Variants in IPO11 observed in about 807,000 individuals in gnomAD.
IPO11 encodes the protein importin-11.
A neutral mutation model predicts 143.2 loss-of-function variants in IPO11; 66 were observed. That is an observed-to-expected ratio of 0.46 (90% confidence interval 0.38 to 0.57). The LOEUF is 0.57. Among genes scored for constraint, IPO11 ranks in the 20% least tolerant of loss-of-function variants. The pLI is 0.00. For missense variants in IPO11, 1,026 were observed against 1,141.0 expected (o/e 0.90, Z 1.45); for synonymous variants, 385 against 377.8 (o/e 1.02, Z -0.22).
chr5:62,475,357 C>T (rs1291457738), intron 8 of IPO11, among the ~76,000 whole-genome samples: 1 of 152,072 alleles, frequency 6.6e-6, no homozygotes, highest in Non-Finnish European at 1.5e-5. Flanking sequence ...CCTGTCTCTA[C>T]AAAAAATATT....
chr5:62,455,083 C>G (rs1245641882), intron 5 of IPO11, among the ~76,000 whole-genome samples: 2 of 152,162 alleles, frequency 1.3e-5, no homozygotes, highest in Non-Finnish European at 2.9e-5. Flanking sequence ...TTGAAGGTAG[C>G]ATTTGTGGGA....
rs1744491227 is a variant in IPO11 at position 62,580,102 on chromosome 5, A to G, written c.2583-11475A>G. The G allele has an allele frequency of 4.5e-6, 7 of 1,551,064 alleles. No homozygotes were observed. Among genetic ancestry groups the G allele is most frequent in the Non-Finnish European group, 6.1e-6 (7 of 1,146,566 alleles). On this transcript the variant is annotated intron_variant, in intron 27 of 29. Coordinates refer to ENST00000325324, the MANE Select transcript of IPO11 (RefSeq NM_016338.5). ...TAATAATTTAACAAAAGTACCATCAAATGCCTTTGAAGTACTTAAAAGTCT... is the reference window on the plus strand; with the variant it reads ...TAATAATTTAACAAAAGTACCATCAGATGCCTTTGAAGTACTTAAAAGTCT...
intron 4 of IPO11, among the ~76,000 whole-genome samples, chr5:62,450,424 T>C (rs938089859): frequency 2.0e-5 from 3 of 152,214 alleles, no homozygotes; most frequent in Non-Finnish European, 2.9e-5. Context: ...AATATATTAC[T>C]CATTAGTTTG....
chr5:62,494,267 T>A, intron 16 of IPO11, 143 bp downstream of exon 16: 1 of 590,580 alleles, frequency 1.7e-6, no homozygotes, highest in Non-Finnish European at 2.5e-6. Context: ...GCAGTTTGAT[T>A]TGAGGGTAGA....
chr5:62,474,417 G>GT lies in IPO11; in HGVS notation c.716dup (p.Leu239PhefsTer6). 2 of 1,536,176 alleles carry GT rather than the reference G, an allele frequency of 1.3e-6. No individual in the cohort carries two copies. The highest frequency in any genetic ancestry group is 1.2e-5 in the South Asian group (1 of 81,920). Reference sequence around the variant, plus strand: ...ATTTAAAATAATATTCTTTTCTAGGGTTTTTTACATGGAATATTTGAACGT... The same window carrying GT: ...ATTTAAAATAATATTCTTTTCTAGGGTTTTTTTACATGGAATATTTGAACGT... On this transcript the variant is annotated frameshift_variant and splice_region_variant, in exon 8 of 30. Coordinates refer to ENST00000325324, the MANE Select transcript of IPO11 (RefSeq NM_016338.5). LOFTEE classifies it high-confidence loss of function.
chr5:62,440,765 C>T (rs1744441714), intron 2 of IPO11, among the ~76,000 whole-genome samples: 1 of 152,012 alleles, frequency 6.6e-6, no homozygotes, highest in Non-Finnish European at 1.5e-5. Flanking sequence ...GCGTTCAAGA[C>T]CCACCTGGCC....
At chr5:62,498,024 T>TG (rs1741218641) in intron 16 of IPO11, among the ~76,000 whole-genome samples, 1 of 151,492 alleles carries the variant, frequency 6.6e-6, no homozygotes, top group Non-Finnish European at 1.5e-5. Context: ...TATTGTTTTT[T>TG]TTTTTTGTTG....
intron 2 of IPO11, among the ~76,000 whole-genome samples, chr5:62,441,851 CTTTTTT>C (rs35792043): frequency 2.1e-5 from 3 of 143,206 alleles, no homozygotes; most frequent in African/African-American, 7.7e-5. Context: ...TGCTATCAAA[CTTTTTT>C]TTTTTTTGAG....
At chr5:62,502,351 G>A (rs1741374036) in intron 16 of IPO11, among the ~76,000 whole-genome samples, 1 of 152,164 alleles carries the variant, frequency 6.6e-6, no homozygotes, top group South Asian at 2.1e-4. Flanking sequence ...CTCAAGTTTT[G>A]ATGTTGTCCC....
intron 29 of IPO11, among the ~76,000 whole-genome samples, chr5:62,610,973 A>G (rs1039814641): frequency 1.3e-5 from 2 of 152,168 alleles, no homozygotes; most frequent in African/African-American, 2.4e-5. Flanking sequence ...GTTTTTATCT[A>G]TGCTTTGCTC....
chr5:62,483,320 G>T lies in IPO11; in HGVS notation c.1021+27G>T, dbSNP rs749620592. Reference sequence around the variant, plus strand: ...TAATTCCTTTATTGGCAGTTTAAAAGAATTATTTTAATCTTAAGTGTGATA... The same window carrying T: ...TAATTCCTTTATTGGCAGTTTAAAATAATTATTTTAATCTTAAGTGTGATA... On this transcript the variant is annotated intron_variant, in intron 10 of 29. Transcript: ENST00000325324. The T allele has an allele frequency of 3.7e-6, 5 of 1,347,508 alleles. No homozygotes were observed. In the South Asian group the frequency reaches 7.0e-5, roughly 19 times the overall value. 83.5% of individuals were successfully genotyped at this position (1,347,508 alleles called of 1,614,324 possible).
In IPO11 at chr5:62,467,980, C is replaced by G. The variant is rs566722617; in HGVS notation, c.649+717C>G. ...GTTTTTTTGGACAGACAGGGTCTTG[C>G]TCTGTCTCCCAGGTTGAAGTGCAGT... On this transcript the variant is annotated intron_variant, in intron 6 of 29. Coordinates refer to ENST00000325324, the MANE Select transcript of IPO11 (RefSeq NM_016338.5). Among the ~76,000 whole-genome samples the G allele has an allele frequency of 2.0e-4, 30 of 152,148 alleles. 2 individuals carry two copies. The South Asian group carries it at 6.0e-3, about 30-fold the overall frequency.
chr5:62,598,298 A>T (rs940181949), intron 28 of IPO11, among the ~76,000 whole-genome samples: 2 of 152,034 alleles, frequency 1.3e-5, no homozygotes, highest in African/African-American at 2.4e-5. Flanking sequence ...ATTAGGAAAG[A>T]GGCTGATTAT....
At chr5:62,552,232 C>T (rs921645967) in intron 26 of IPO11, among the ~76,000 whole-genome samples, 1 of 152,032 alleles carries the variant, frequency 6.6e-6, no homozygotes, top group Non-Finnish European at 1.5e-5. Context: ...GTATACTTGA[C>T]GAATATATCT....
intron 16 of IPO11, among the ~76,000 whole-genome samples, chr5:62,498,969 C>A (rs1249300570): frequency 6.6e-6 from 1 of 152,204 alleles, no homozygotes. Flanking sequence ...TATAATCTTT[C>A]ACTTTTGTGA....
At chr5:62,450,847 A>T (rs774275133) in intron 4 of IPO11, among the ~76,000 whole-genome samples, 1 of 152,000 alleles carries the variant, frequency 6.6e-6, no homozygotes, top group South Asian at 2.1e-4. Context: ...ATAATTCTTA[A>T]GTTTTTTCAA....
Position 62,494,101 on chromosome 5 carries a change from T to A in IPO11, c.1567T>A (p.Leu523Met). ...CATGCTTTATGAAGCAATCTGTAAC[T>A]TGCTTCAAGATCAAGATTTAGTGGT... ...RPMLYEAICN[L>M]LQDQDLVVRI... is the part of the protein sequence containing the mutation. The change falls in exon 16 of 30, where the codon TTG becomes ATG. Residue 523 changes from leucine to methionine, a missense_variant. Leu to Met is a conservative substitution (Grantham distance 15). Transcript: ENST00000325324. 6.2e-7 allele frequency: 1 copy of A among 1,611,662 alleles called. No homozygotes were observed. The highest frequency in any genetic ancestry group is 8.5e-7 in the Non-Finnish European group (1 of 1,179,024).
At chr5:62,572,537 A>ATTTGTTTGTTTG (rs552979595) in intron 27 of IPO11, among the ~76,000 whole-genome samples, 4 of 101,878 alleles carry the variant, frequency 3.9e-5, no homozygotes, top group Non-Finnish European at 9.0e-5. Context: ...GTATATGTAT[A>ATTTGTTTGTTTG]TTTGTTTGTT....
chr5:62,464,195 G>A (rs1052993666), intron 5 of IPO11, among the ~76,000 whole-genome samples: 13 of 140,946 alleles, frequency 9.2e-5, no homozygotes, highest in Non-Finnish European at 1.5e-4. Context: ...CTGTCGCCAG[G>A]CTGGAGTGCA....
Sources: allele counts gnomAD v4.1 joint callset (sites outside exome capture counted in the v4.1 genomes callset), GRCh38; gene constraint gnomAD v4.1.1; transcripts MANE v1.5; gene names NCBI Gene and HGNC (gene_info 2026-07-23, HGNC 2026-07-21).